The following KDM6A variants were observed in gnomAD, a reference collection of about 807,000 sequenced individuals.
KDM6A encodes the protein lysine demethylase 6A.
In KDM6A, 11 loss-of-function variants were observed where a neutral mutation model predicts 117.6. The observed-to-expected ratio is 0.09, with a 90% CI of 0.06 to 0.15. KDM6A has a LOEUF of 0.15. Among genes scored for constraint, KDM6A ranks in the 10% least tolerant of loss-of-function variants. The probability of loss-of-function intolerance (pLI) is 1.00; values close to 1 mark genes in which losing one functional copy is unlikely to be tolerated. For missense variants in KDM6A, 799 were observed against 1,077.3 expected, an observed-to-expected ratio of 0.74 and a Z score of 3.62; for synonymous variants, 384 against 396.1, an observed-to-expected ratio of 0.97 and a Z score of 0.36.
chrX:45,004,510 T>C (rs746419848), intron 4 of KDM6A, among the ~76,000 whole-genome samples: 1 of 111,513 alleles, frequency 9.0e-6, no homozygotes, highest in Admixed American at 9.5e-5. Context: ...AGTGACAAAT[T>C]GGAGTTTCAA....
chrX:45,023,238 C>T (rs999842194), intron 6 of KDM6A, among the ~76,000 whole-genome samples: 14 of 111,703 alleles, frequency 1.3e-4, no homozygotes, highest in African/African-American at 4.6e-4. Flanking sequence ...ACAGTCTGTC[C>T]GTTACAGATC....
At chrX:45,010,674 A>G (rs1377841290) in intron 4 of KDM6A, among the ~76,000 whole-genome samples, 2 of 112,110 alleles carry the variant, frequency 1.8e-5, no homozygotes, top group Non-Finnish European at 1.9e-5. Context: ...GAATAGGATA[A>G]CATAGGCTGA....
At position 44,981,932 on chromosome X, in the gene KDM6A, A is replaced by G. The variant is rs752598436; in HGVS notation, c.384+7217A>G. ...AACCTCATCTCCGCTAAAAATACAAAAATTAGCTGGGTGTGGTAGTGCTTC... is the reference window on the plus strand; with the variant it reads ...AACCTCATCTCCGCTAAAAATACAAGAATTAGCTGGGTGTGGTAGTGCTTC... On this transcript the variant is annotated intron_variant, in intron 4 of 29. Transcript: ENST00000611820. Among the ~76,000 whole-genome samples, 4 of 111,631 alleles carry G rather than the reference A, an allele frequency of 3.6e-5. No individual in the cohort carries two copies. The South Asian group carries it at 1.5e-3, about 42-fold the overall frequency.
chrX:44,979,610 T>G (rs779391101), intron 4 of KDM6A, among the ~76,000 whole-genome samples: 2 of 111,669 alleles, frequency 1.8e-5, no homozygotes, highest in Admixed American at 1.9e-4. Context: ...TACTTTTTTT[T>G]TCTTTTACAG....
Position 44,946,696 on chromosome X carries a change from C to A in KDM6A, c.226-14588C>A, listed in dbSNP as rs73488873. On this transcript the variant is annotated intron_variant, in intron 2 of 29. Coordinates refer to ENST00000611820, the MANE Select transcript of KDM6A (RefSeq NM_001291415.2). ...GGATTTATATAGTTTCACATTAGGGCCTTTAATAGGTTTTTTTATATGTAG... is the reference window on the plus strand; with the variant it reads ...GGATTTATATAGTTTCACATTAGGGACTTTAATAGGTTTTTTTATATGTAG... 6.2e-3 allele frequency among the ~76,000 whole-genome samples: 678 copies of A among 109,309 alleles called. 8 individuals carry two copies. Among genetic ancestry groups the A allele is most frequent in the African/African-American group, 0.021 (645 of 30,046 alleles). 94.9% of individuals were successfully genotyped at this position (109,309 alleles called of 115,157 possible).
chrX:45,043,778 GAAA>G (rs988457575), intron 8 of KDM6A, among the ~76,000 whole-genome samples: 4 of 106,139 alleles, frequency 3.8e-5, no homozygotes, highest in African/African-American at 6.8e-5. Context: ...ACTGTTTAAA[GAAA>G]AAAAAAATGA....
At chrX:45,111,348 A>G (rs780703487) in intron 29 of KDM6A, 34 bp from the exon 30 acceptor site, 6 of 1,113,129 alleles carry the variant, frequency 5.4e-6, no homozygotes, top group African/African-American at 3.6e-5. Context: ...AACAATTTGT[A>G]TATCAAAATA....
At chrX:44,957,239 A>G (rs1298657419) in intron 2 of KDM6A, among the ~76,000 whole-genome samples, 1 of 112,286 alleles carries the variant, frequency 8.9e-6, no homozygotes, top group Non-Finnish European at 1.9e-5. Context: ...GGGTATTAAA[A>G]TCTGTATTTT....
At position 45,051,819 on chromosome X, in the gene KDM6A, A is replaced by T; in HGVS notation, c.748+17A>T. On this transcript the variant is annotated intron_variant, in intron 9 of 29. Transcript: ENST00000611820. ...AACAGTTAGGTATGTAATAGTATACATTTAGTGTATTATAAGTGCTTCTCT... is the reference window on the plus strand; with the variant it reads ...AACAGTTAGGTATGTAATAGTATACTTTTAGTGTATTATAAGTGCTTCTCT... 2.2e-6 allele frequency: 2 copies of T among 921,305 alleles called. No homozygotes were observed. The highest frequency in any genetic ancestry group is 3.1e-6 in the Non-Finnish European group (2 of 636,938). 75.9% of individuals were successfully genotyped at this position (921,305 alleles called of 1,213,427 possible). A position where few individuals can be genotyped will look rare whatever the true frequency, so the allele number is the denominator to read the frequency against.
chrX:44,982,891 A>G (rs779185316), intron 4 of KDM6A, among the ~76,000 whole-genome samples: 1 of 111,894 alleles, frequency 8.9e-6, no homozygotes, highest in South Asian at 3.7e-4. Flanking sequence ...TCTAATTCAG[A>G]TTTGTTTTTT....
rs190722013 is a variant in KDM6A, at chrX:45,061,289, T to C, written c.1486-35T>C. On this transcript the variant is annotated intron_variant, in intron 14 of 29. Transcript: ENST00000611820. The stretch of plus-strand genomic sequence containing the variant: ...TATTAACTGTGGATTTAACCAAATA[T>C]TCTTTAATTTTTTTTTTAAATCGAT... 238 of 855,613 alleles carry C rather than the reference T, an allele frequency of 2.8e-4. No individual in the cohort carries two copies. Among genetic ancestry groups the C allele is most frequent in the Non-Finnish European group, 3.6e-4 (211 of 585,438 alleles). 70.5% of individuals were successfully genotyped at this position (855,613 alleles called of 1,213,427 possible). A position where few individuals can be genotyped will look rare whatever the true frequency, so the allele number is the denominator to read the frequency against.
At chrX:45,017,351 C>T (rs760079820) in intron 5 of KDM6A, among the ~76,000 whole-genome samples, 1 of 111,403 alleles carries the variant, frequency 9.0e-6, no homozygotes, top group South Asian at 3.8e-4. Flanking sequence ...TTGTGGCCAC[C>T]TGCATTTTGG....
intron 5 of KDM6A, among the ~76,000 whole-genome samples, chrX:45,013,857 C>T (rs1477423919): frequency 3.6e-5 from 4 of 112,079 alleles, no homozygotes; most frequent in Non-Finnish European, 7.5e-5. Flanking sequence ...GGGGTAGGTG[C>T]TTGGTGATAG....
At chrX:45,003,461 G>A (rs1202672974) in intron 4 of KDM6A, among the ~76,000 whole-genome samples, 2 of 97,111 alleles carry the variant, frequency 2.1e-5, no homozygotes, top group African/African-American at 3.9e-5. Flanking sequence ...AACAGTTGTC[G>A]CTACAGATTG....
Position 44,907,470 on chromosome X carries a change from GT to G in KDM6A, c.225+33493del, listed in dbSNP as rs1289512102. On this transcript the variant is annotated intron_variant, in intron 2 of 29. Transcript: ENST00000611820. ...TTGTGTGTGTGTGTGTGTGTGTGTG[GT>G]TTTTTTTTTCTTTTTTTTTTTTTTT... Among the ~76,000 whole-genome samples the G allele has an allele frequency of 8.2e-3, 616 of 74,770 alleles. 8 individuals carry two copies. The highest frequency in any genetic ancestry group is 0.033 in the African/African-American group (525 of 16,046). 64.9% of individuals were successfully genotyped at this position (74,770 alleles called of 115,157 possible).
rs797044622 is a variant in KDM6A, at chrX:44,873,590, T to TGCC, written c.48_50dup (p.Ala17dup). ...GAGTGTCGCTCGCTACCGCCGCCGC[T>TGCC]GCCGCCGCCGCTTTCGGTGATGAGG... On this transcript the variant is annotated inframe_insertion, in exon 1 of 30. Transcript: ENST00000611820. 1.1e-3 allele frequency: 1,360 copies of TGCC among 1,203,989 alleles called. 9 individuals are homozygous for TGCC. The African/African-American group carries it at 0.02, about 18-fold the overall frequency.
At chrX:44,954,370 T>G (rs907530606) in intron 2 of KDM6A, among the ~76,000 whole-genome samples, 14 of 111,862 alleles carry the variant, frequency 1.3e-4, no homozygotes, top group African/African-American at 4.5e-4. Flanking sequence ...TATTATACAT[T>G]AGATACTATG....
intron 5 of KDM6A, among the ~76,000 whole-genome samples, chrX:45,011,760 G>A (rs748983985): frequency 3.6e-5 from 4 of 110,482 alleles, no homozygotes; most frequent in South Asian, 3.8e-4. Flanking sequence ...TCTTTAGTTT[G>A]TTTATTTATT....
At chrX:44,903,994 T>C in intron 2 of KDM6A, among the ~76,000 whole-genome samples, 2 of 112,143 alleles carry the variant, frequency 1.8e-5, no homozygotes, top group East Asian at 5.6e-4. Flanking sequence ...TTTTGTTCTA[T>C]GGCTGGATCG....
Sources: gnomAD v4.1 joint callset for allele counts (sites outside exome capture counted in the v4.1 genomes callset) on GRCh38, gnomAD v4.1.1 for gene constraint, MANE v1.5 for transcripts, NCBI Gene and HGNC (gene_info 2026-07-23, HGNC 2026-07-21) for gene names.